Variants in PCDHA2 observed in about 807,000 individuals in gnomAD.
PCDHA2 encodes the protein protocadherin alpha 2.
A neutral mutation model predicts 66.0 loss-of-function variants in PCDHA2; 58 were observed. The ratio of observed to expected loss-of-function variants is 0.88; its 90% confidence interval spans 0.71 to 1.09. PCDHA2 has a LOEUF of 1.09. Among genes scored for constraint, PCDHA2 ranks in the 50% least tolerant of loss-of-function variants. The pLI is 0.00. For synonymous variants in PCDHA2, 634 were observed against 554.0 expected, an observed-to-expected ratio of 1.14 and a Z score of -2.03; for missense variants, 1,267 against 1,242.3, an observed-to-expected ratio of 1.02 and a Z score of -0.30.
intron 3 of PCDHA2, among the ~76,000 whole-genome samples, chr5:141,005,799 T>A (rs1207641244): frequency 7.5e-6 from 1 of 133,220 alleles, no homozygotes; most frequent in African/African-American, 2.8e-5. Context: ...CAAAAACAAC[T>A]CCAAGGAGCC....
chr5:140,808,154 A>T, intron 1 of PCDHA2: 2 of 1,614,220 alleles, frequency 1.2e-6, no homozygotes, highest in South Asian at 2.2e-5. Flanking sequence ...TGTAGAGGGC[A>T]TTGATAAGGG....
intron 1 of PCDHA2, among the ~76,000 whole-genome samples, chr5:140,879,880 C>T (rs1162426271): frequency 6.6e-6 from 1 of 152,172 alleles, no homozygotes; most frequent in Admixed American, 6.5e-5. Flanking sequence ...GGTCACATTG[C>T]CTCCTCCTCT....
chr5:140,925,641 TATAATAATAATAATA>T (rs10569930), intron 1 of PCDHA2, among the ~76,000 whole-genome samples: 7 of 143,358 alleles, frequency 4.9e-5, no homozygotes, highest in African/African-American at 1.0e-4. Flanking sequence ...GAACTTAAAG[TATAATAATAATAATA>T]ATAATAATAA....
intron 1 of PCDHA2, among the ~76,000 whole-genome samples, chr5:140,907,407 C>G (rs1438882988): frequency 3.3e-5 from 5 of 152,168 alleles, no homozygotes; most frequent in African/African-American, 1.2e-4. Flanking sequence ...GTGTGGAATA[C>G]CACGATGGTG....
chr5:140,875,817 G>C lies in PCDHA2; in HGVS notation c.2388+78465G>C, dbSNP rs1262566792. 3 of 1,614,090 alleles carry C rather than the reference G, an allele frequency of 1.9e-6. No homozygotes were observed. The highest frequency in any genetic ancestry group is 2.7e-5 in the African/African-American group (2 of 74,930). On this transcript the variant is annotated intron_variant, in intron 1 of 3. Coordinates refer to ENST00000526136, the MANE Select transcript of PCDHA2 (RefSeq NM_018905.3). ...AGGTGATCGTGGACAGGCCGCTGCA[G>C]GTTTTCCATGTGGACGTGGAGGTGA...
intron 3 of PCDHA2, among the ~76,000 whole-genome samples, chr5:140,999,223 G>A (rs1554256702): frequency 3.3e-5 from 5 of 152,316 alleles, no homozygotes; most frequent in African/African-American, 1.2e-4. Flanking sequence ...TACTACATTT[G>A]AGAATAGGTG....
At chr5:140,908,165 G>T (rs1422050863) in intron 1 of PCDHA2, among the ~76,000 whole-genome samples, 1 of 152,222 alleles carries the variant, frequency 6.6e-6, no homozygotes, top group African/African-American at 2.4e-5. Context: ...GGGCTGTAGT[G>T]CTGCAGCTGT....
At position 140,834,542 on chromosome 5, in the gene PCDHA2, G is replaced by A. The variant is rs2150220651; in HGVS notation, c.2388+37190G>A. On this transcript the variant is annotated intron_variant, in intron 1 of 3. Transcript: ENST00000526136. ...TGGGCCGCATCGCGCAGGACCTGGG[G>A]CTGGAGCTGGCGGAGCTGGTGCCGC... The A allele has an allele frequency of 3.7e-6, 6 of 1,614,086 alleles. 1 individual carries two copies. In the South Asian group the frequency reaches 5.5e-5, roughly 15 times the overall value.
At chr5:140,993,958 G>A (rs782075870) in intron 3 of PCDHA2, among the ~76,000 whole-genome samples, 1 of 152,162 alleles carries the variant, frequency 6.6e-6, no homozygotes, top group Non-Finnish European at 1.5e-5. Context: ...ATACATGACT[G>A]TAGTCATCAT....
rs189226531 is a variant in PCDHA2, at chr5:140,874,455, T to C, written c.2388+77103T>C. 5.3e-5 allele frequency among the ~76,000 whole-genome samples: 8 copies of C among 152,332 alleles called. No homozygotes were observed. The East Asian group carries it at 1.5e-3, about 29-fold the overall frequency. On this transcript the variant is annotated intron_variant, in intron 1 of 3. Coordinates refer to ENST00000526136, the MANE Select transcript of PCDHA2 (RefSeq NM_018905.3). ...CATGTCCTAACTACTAAATGACCTG[T>C]AGGGGAAGATTTAGAGAAAAAGCAA...
At chr5:140,836,903 T>C in intron 1 of PCDHA2, 1 of 590,556 alleles carries the variant, frequency 1.7e-6, no homozygotes, top group Non-Finnish European at 2.8e-6. Flanking sequence ...GTACGTTTAA[T>C]ATACACTTTT....
At chr5:140,869,286 G>A in intron 1 of PCDHA2, 2 of 1,613,616 alleles carry the variant, frequency 1.2e-6, no homozygotes, top group Non-Finnish European at 1.7e-6. Context: ...AGCTGGTGCA[G>A]CGCCTGTTCC....
At chr5:140,863,648 T>C (rs2048105633) in intron 1 of PCDHA2, 2 of 299,994 alleles carry the variant, frequency 6.7e-6, no homozygotes, top group Non-Finnish European at 1.3e-5. Context: ...AAGTTATTAA[T>C]TTGATTGCTT....
chr5:140,823,823 C>T lies in PCDHA2; in HGVS notation c.2388+26471C>T, dbSNP rs2150129427. 5.6e-6 allele frequency: 9 copies of T among 1,613,816 alleles called. No homozygotes were observed. In the Admixed American group the frequency reaches 1.3e-4, roughly 24 times the overall value. On this transcript the variant is annotated intron_variant, in intron 1 of 3. Coordinates refer to ENST00000526136, the MANE Select transcript of PCDHA2 (RefSeq NM_018905.3). ...CCGAAGGCCTCATCGCGGGCGTCGG[C>T]GGGCGCTGTGGGTCCCGAGGCTGCC... is the stretch of plus-strand genomic sequence containing the variant.
intron 3 of PCDHA2, among the ~76,000 whole-genome samples, chr5:140,995,186 A>T (rs2097669011): frequency 6.6e-6 from 1 of 152,132 alleles, no homozygotes; most frequent in Non-Finnish European, 1.5e-5. Flanking sequence ...ACCTATGATA[A>T]AGTTTAATTT....
chr5:140,997,711 C>T (rs963457412), intron 3 of PCDHA2, among the ~76,000 whole-genome samples: 4 of 151,080 alleles, frequency 2.6e-5, no homozygotes. Flanking sequence ...TTAACAAACA[C>T]CTTTCTACGT....
At position 140,857,606 on chromosome 5, in the gene PCDHA2, C is replaced by T. The variant is rs565842920; in HGVS notation, c.2388+60254C>T. The T allele has an allele frequency of 1.2e-4, 191 of 1,596,384 alleles. 13 individuals are homozygous for T. The South Asian group carries it at 2.1e-3, about 17-fold the overall frequency. ...GGAGAGCGGCAAGGTGTACGCGCTG[C>T]AGCCGCTGGACCACGAGGAGCTGGA... On this transcript the variant is annotated intron_variant, in intron 1 of 3. Coordinates refer to ENST00000526136, the MANE Select transcript of PCDHA2 (RefSeq NM_018905.3).
At chr5:140,813,025 C>T (rs2126643316) in intron 1 of PCDHA2, 14 of 152,074 alleles carry the variant, frequency 9.2e-5, no homozygotes, top group Non-Finnish European at 1.6e-4. Flanking sequence ...TTTCAACCTT[C>T]TTGAATTTGT....
At chr5:140,973,720 A>G (rs781883210) in intron 1 of PCDHA2, among the ~76,000 whole-genome samples, 1 of 152,194 alleles carries the variant, frequency 6.6e-6, no homozygotes, top group Non-Finnish European at 1.5e-5. Flanking sequence ...GAGCCATCAC[A>G]TGGGCATCTG....
Sources: gnomAD v4.1 joint callset for allele counts (sites outside exome capture counted in the v4.1 genomes callset) on GRCh38, gnomAD v4.1.1 for gene constraint, MANE v1.5 for transcripts, NCBI Gene and HGNC (gene_info 2026-07-23, HGNC 2026-07-21) for gene names.